The following SSH2 variants were observed in gnomAD, a reference collection of about 807,000 sequenced individuals.
The protein encoded by SSH2 is slingshot protein phosphatase 2.
SSH2 carries 37 observed loss-of-function variants against 135.2 expected under a neutral mutation model. The ratio of observed to expected loss-of-function variants is 0.27; its 90% CI spans 0.21 to 0.36. SSH2 has a LOEUF of 0.36. Among genes scored for constraint, SSH2 ranks in the 10% least tolerant of loss-of-function variants. The pLI is 1.00. For synonymous variants in SSH2, 628 were observed against 646.2 expected, an observed-to-expected ratio of 0.97 and a Z score of 0.43; for missense variants, 1,408 against 1,765.3, an observed-to-expected ratio of 0.80 and a Z score of 3.63.
intron 14 of SSH2, chr17:29,644,882 C>T (rs1198095033): frequency 6.6e-6 from 1 of 152,114 alleles, no homozygotes; most frequent in Non-Finnish European, 1.5e-5. Flanking sequence ...TGCTGAGATC[C>T]TGATTGAGGT....
rs1338993014 is a variant in SSH2, at chr17:29,630,351, G to T, written c.*490C>A. On this transcript the variant is annotated 3_prime_UTR_variant, in exon 16 of 16. Coordinates refer to ENST00000540801, the MANE Select transcript of SSH2 (RefSeq NM_001282129.2). ...TCTAAAGGGCTGCGGCTGGATGAAG[G>T]CTGAGAGCCCTCTGACTTCTGGCTG... 6.6e-6 allele frequency: 1 copy of T among 152,532 alleles called. No homozygotes were observed. Among genetic ancestry groups the T allele is most frequent in the African/African-American group, 2.4e-5 (1 of 41,448 alleles). The allele number at this position is 152,532 out of a possible 1,614,324, so 9.4% of individuals were successfully genotyped here.
At chr17:29,858,052 G>A (rs1040025991) in intron 1 of SSH2, among the ~76,000 whole-genome samples, 3 of 152,182 alleles carry the variant, frequency 2.0e-5, no homozygotes, top group Non-Finnish European at 4.4e-5. Flanking sequence ...TGTAGCATGT[G>A]TCAGAATTTC....
chr17:29,879,471 G>C (rs1203464904), intron 1 of SSH2, among the ~76,000 whole-genome samples: 1 of 150,440 alleles, frequency 6.6e-6, no homozygotes, highest in Non-Finnish European at 1.5e-5. Flanking sequence ...TATATCCCCT[G>C]CCTCCACACA....
At chr17:29,880,979 T>C (rs1293341641) in intron 1 of SSH2, among the ~76,000 whole-genome samples, 1 of 152,204 alleles carries the variant, frequency 6.6e-6, no homozygotes, top group Non-Finnish European at 1.5e-5. Context: ...CAACAATTCA[T>C]TTATGGCTCA....
At chr17:29,663,469 A>C (rs1007501684) in intron 11 of SSH2, among the ~76,000 whole-genome samples, 2 of 152,246 alleles carry the variant, frequency 1.3e-5, no homozygotes, top group Non-Finnish European at 2.9e-5. Flanking sequence ...GGAAGCCACC[A>C]AGGAACAAGT....
chr17:29,833,874 C>T (rs543194339), intron 2 of SSH2, among the ~76,000 whole-genome samples: 9 of 44,534 alleles, frequency 2.0e-4, no homozygotes, highest in Non-Finnish European at 3.9e-4. Context: ...CTTTCTCCTT[C>T]CCTCCCTCCC....
At chr17:29,703,708 A>G (rs1371935234) in intron 3 of SSH2, among the ~76,000 whole-genome samples, 1 of 152,024 alleles carries the variant, frequency 6.6e-6, no homozygotes, top group Non-Finnish European at 1.5e-5. Flanking sequence ...CCTCCTGAGT[A>G]GCTGGGATTA....
At position 29,636,685 on chromosome 17, in the gene SSH2, T is replaced by C. The variant is rs2035929734; in HGVS notation, c.1545A>G (p.Ala515=). The C allele has an allele frequency of 1.2e-6, 2 of 1,614,176 alleles. No homozygotes were observed. The highest frequency in any genetic ancestry group is 2.2e-5 in the East Asian group (1 of 44,874). Reference sequence around the variant, plus strand: ...TGGTCTTCACCTCAGCAATCTGGTCTGCTGAGGTGGTGATATCCTTCTTGT... The same window carrying C: ...TGGTCTTCACCTCAGCAATCTGGTCCGCTGAGGTGGTGATATCCTTCTTGT... The part of the protein sequence containing the change: ...ELNKKDITTS[A]DQIAEVKTME... Residue 515 remains alanine, a synonymous_variant, in exon 15 of 16, where the codon GCA becomes GCG. Transcript: ENST00000540801.
intron 8 of SSH2, among the ~76,000 whole-genome samples, chr17:29,675,662 G>A (rs1375327091): frequency 6.6e-6 from 1 of 152,076 alleles, no homozygotes; most frequent in Non-Finnish European, 1.5e-5. Flanking sequence ...TTAGCCAGGT[G>A]TAGTGGCACA....
chr17:29,766,083 T>TC (rs2041441376), intron 3 of SSH2, among the ~76,000 whole-genome samples: 2 of 119,152 alleles, frequency 1.7e-5, no homozygotes, highest in Non-Finnish European at 3.9e-5. Context: ...AATTCAAATT[T>TC]ATTATTATTA....
intron 6 of SSH2, among the ~76,000 whole-genome samples, chr17:29,678,338 A>G (rs1198980755): frequency 1.3e-5 from 2 of 152,124 alleles, no homozygotes; most frequent in Non-Finnish European, 2.9e-5. Flanking sequence ...CACCCACCTC[A>G]GCCTCCCGAA....
At chr17:29,735,194 C>G (rs1487326679) in intron 3 of SSH2, among the ~76,000 whole-genome samples, 1 of 152,082 alleles carries the variant, frequency 6.6e-6, no homozygotes, top group Non-Finnish European at 1.5e-5. Context: ...ACTAAAGGAA[C>G]CTGATAAACA....
chr17:29,899,658 T>C (rs1347033176), intron 1 of SSH2, among the ~76,000 whole-genome samples: 3 of 152,204 alleles, frequency 2.0e-5, no homozygotes, highest in African/African-American at 4.8e-5. Context: ...GAACATTCCA[T>C]GCTCATGGGT....
intron 1 of SSH2, among the ~76,000 whole-genome samples, chr17:29,900,685 T>G (rs1465969811): frequency 6.6e-6 from 1 of 152,242 alleles, no homozygotes; most frequent in Non-Finnish European, 1.5e-5. Flanking sequence ...TTGGTTGGAC[T>G]GTAAACTAGT....
intron 1 of SSH2, among the ~76,000 whole-genome samples, chr17:29,898,694 C>T (rs1486350724): frequency 5.9e-5 from 9 of 152,070 alleles, no homozygotes; most frequent in Non-Finnish European, 1.3e-4. Context: ...CAAATTCTAC[C>T]AGAGGTACAA....
At chr17:29,900,256 G>A (rs1390731993) in intron 1 of SSH2, among the ~76,000 whole-genome samples, 2 of 152,066 alleles carry the variant, frequency 1.3e-5, no homozygotes, top group Admixed American at 6.6e-5. Flanking sequence ...CAAAAGCAAT[G>A]GCAACAAAAG....
rs563025414 is a variant in SSH2 at position 29,692,199 on chromosome 17, T to C, written c.357+3260A>G. On this transcript the variant is annotated intron_variant, in intron 5 of 15. Transcript: ENST00000540801. ...AAAAAACAAGACTTTCAGTTGACTATCAAACTTTTAACCTTCTGCACAAAT... is the reference window on the plus strand; with the variant it reads ...AAAAAACAAGACTTTCAGTTGACTACCAAACTTTTAACCTTCTGCACAAAT... Among the ~76,000 whole-genome samples the C allele has an allele frequency of 1.1e-4, 16 of 151,516 alleles. 1 individual carries two copies. In the South Asian group the frequency reaches 3.3e-3, roughly 32 times the overall value.
intron 1 of SSH2, among the ~76,000 whole-genome samples, chr17:29,862,523 A>G (rs887105144): frequency 2.0e-5 from 3 of 152,196 alleles, no homozygotes; most frequent in African/African-American, 7.2e-5. Flanking sequence ...TTTGTTCCTT[A>G]ATAGTAATAG....
chr17:29,707,682 T>C (rs749577120), intron 3 of SSH2, among the ~76,000 whole-genome samples: 2 of 152,062 alleles, frequency 1.3e-5, no homozygotes, highest in Non-Finnish European at 2.9e-5. Context: ...TACGTCACCA[T>C]ACCTGGCTAA....
Sources: allele counts gnomAD v4.1 joint callset (sites outside exome capture counted in the v4.1 genomes callset), GRCh38; gene constraint gnomAD v4.1.1; transcripts MANE v1.5; gene names NCBI Gene and HGNC (gene_info 2026-07-23, HGNC 2026-07-21).